Variants in CACNA1C observed in about 807,000 individuals in gnomAD.
The protein encoded by CACNA1C is calcium voltage-gated channel subunit alpha1 C.
A neutral mutation model predicts 229.0 loss-of-function variants in CACNA1C; 30 were observed. The ratio of observed to expected loss-of-function variants is 0.13; its 90% CI spans 0.10 to 0.18. The LOEUF is 0.18. CACNA1C is among the 10% of genes least tolerant of loss of function. The pLI is 1.00. For synonymous variants in CACNA1C, 1,114 were observed against 1,132.5 expected (o/e 0.98, Z 0.33); for missense variants, 1,658 against 2,845.0 (o/e 0.58, Z 9.49).
At chr12:2,567,915 A>C in intron 13 of CACNA1C, 121 bp downstream of exon 13, 1 of 611,836 alleles carries the variant, frequency 1.6e-6, no homozygotes, top group Non-Finnish European at 2.9e-6. Flanking sequence ...GTGTCTCTGA[A>C]GTTCACATGC....
chr12:2,484,640 A>C (rs541487326), intron 5 of CACNA1C, among the ~76,000 whole-genome samples: 2 of 152,180 alleles, frequency 1.3e-5, no homozygotes, highest in East Asian at 3.9e-4. Context: ...ACACCCCTTC[A>C]TGCCTGGGTA....
intron 34 of CACNA1C, among the ~76,000 whole-genome samples, chr12:2,657,713 C>T (rs2095493968): frequency 6.6e-6 from 1 of 152,076 alleles, no homozygotes; most frequent in Admixed American, 6.6e-5. Flanking sequence ...AGAAATCTAG[C>T]TCTAGCCTGT....
intron 3 of CACNA1C, among the ~76,000 whole-genome samples, chr12:2,401,996 G>A (rs2370515): frequency 0.19 from 28,713 of 152,240 alleles, 3,212 homozygotes; most frequent in African/African-American, 0.31. Context: ...TAAAACTTTC[G>A]TTAAACATGG....
At position 2,666,727 on chromosome 12, in the gene CACNA1C, G is replaced by A; in HGVS notation, c.4568G>A (p.Arg1523Gln). The A allele has an allele frequency of 2.5e-6, 4 of 1,603,752 alleles. No homozygotes were observed. Among genetic ancestry groups the A allele is most frequent in the Non-Finnish European group, 3.4e-6 (4 of 1,175,158 alleles). ...KHLDVVTLLR[R>Q]IQPPLGFGKL... Reference sequence around the variant, plus strand: ...CTGGATGTGGTGACCCTCCTCCGGCGGATTCAGCCGCCACTAGGTTTTGGG... The same window carrying A: ...CTGGATGTGGTGACCCTCCTCCGGCAGATTCAGCCGCCACTAGGTTTTGGG... The change falls in exon 37 of 47, where the codon CGG (arginine) becomes CAG (glutamine). Residue 1523 changes from arginine to glutamine, a missense_variant. By Grantham distance (43) the Arg-to-Gln change is conservative. Around this residue, in one of 20 missense-constraint regions of CACNA1C, gnomAD observed 151 missense variants for 344.4 expected, o/e 0.44. Transcript: ENST00000399655. The surrounding 1 kb of genome is among the most constrained non-coding windows in gnomAD (Gnocchi z 5.3).
At chr12:2,320,565 G>A (rs979005985) in intron 3 of CACNA1C, among the ~76,000 whole-genome samples, 10 of 152,226 alleles carry the variant, frequency 6.6e-5, no homozygotes, top group Admixed American at 5.2e-4. Flanking sequence ...AGTGGATACC[G>A]TAAGGGGCTG....
intron 34 of CACNA1C, among the ~76,000 whole-genome samples, 176 bp from the exon 35 acceptor site, chr12:2,664,649 C>T (rs1337580620): frequency 6.6e-6 from 1 of 152,160 alleles, no homozygotes; most frequent in African/African-American, 2.4e-5. Flanking sequence ...TTTAATAATG[C>T]TATGTGTTTC....
At chr12:2,522,802 G>A (rs1332602013) in intron 9 of CACNA1C, among the ~76,000 whole-genome samples, 2 of 152,202 alleles carry the variant, frequency 1.3e-5, no homozygotes, top group African/African-American at 2.4e-5. Context: ...AGAAGGCCTG[G>A]ATGGTCTCCT....
chr12:2,218,543 G>A (rs1159013463), intron 3 of CACNA1C, among the ~76,000 whole-genome samples: 1 of 152,190 alleles, frequency 6.6e-6, no homozygotes, highest in Non-Finnish European at 1.5e-5. Context: ...CAAGAGCGTG[G>A]AAAGAAGTCC....
intron 1 of CACNA1C, among the ~76,000 whole-genome samples, chr12:1,984,306 T>G (rs760647450): frequency 6.6e-6 from 1 of 152,100 alleles, no homozygotes; most frequent in Non-Finnish European, 1.5e-5. Flanking sequence ...TTTGCTCTCC[T>G]GTTACCCTCT....
chr12:2,433,085 A>T (rs538630225), intron 3 of CACNA1C, among the ~76,000 whole-genome samples: 20 of 152,328 alleles, frequency 1.3e-4, no homozygotes, highest in Non-Finnish European at 2.6e-4. Flanking sequence ...GTGTGTGCTG[A>T]TGACTCTGCA....
rs549896394 is a variant in CACNA1C at position 2,696,595 on chromosome 12, T to C, written c.*5396T>C. The C allele has an allele frequency of 7.6e-4, 106 of 139,872 alleles. No homozygotes were observed. The highest frequency in any genetic ancestry group is 3.0e-3 in the African/African-American group (102 of 34,148). The allele number at this position is 139,872 out of a possible 1,614,324, so 8.7% of individuals were successfully genotyped here. A position where few individuals can be genotyped will look rare whatever the true frequency, so the allele number is the denominator to read the frequency against. ...TTCACTCATGCACCTCAAACCAAGG[T>C]CATTATCCAAAAAAAAAAAAAAAAA... is the stretch of plus-strand genomic sequence containing the variant. On this transcript the variant is annotated 3_prime_UTR_variant, in exon 47 of 47. Coordinates refer to ENST00000399655, the MANE Select transcript of CACNA1C (RefSeq NM_000719.7).
chr12:2,579,732 C>A (rs892472431), intron 13 of CACNA1C, among the ~76,000 whole-genome samples: 1 of 152,088 alleles, frequency 6.6e-6, no homozygotes, highest in African/African-American at 2.4e-5. Context: ...AGGCATGCAC[C>A]ACCACACCCA....
At chr12:2,446,084 G>T (rs2099274604) in intron 3 of CACNA1C, among the ~76,000 whole-genome samples, 1 of 151,532 alleles carries the variant, frequency 6.6e-6, no homozygotes, top group Non-Finnish European at 1.5e-5. Context: ...TGGATGATCA[G>T]ATAGAAGAAT....
intron 26 of CACNA1C, chr12:2,607,994 T>A (rs215994): frequency 6.6e-6 from 1 of 152,670 alleles, no homozygotes; most frequent in African/African-American, 2.4e-5. Context: ...CTCAAATGAA[T>A]GGCATATGTA....
intron 42 of CACNA1C, among the ~76,000 whole-genome samples, chr12:2,680,025 G>GT (rs1188772488): frequency 6.6e-6 from 1 of 152,218 alleles, no homozygotes; most frequent in Non-Finnish European, 1.5e-5. Flanking sequence ...TGCGGCGCTG[G>GT]TTCTCCCACA....
intron 29 of CACNA1C, among the ~76,000 whole-genome samples, chr12:2,621,473 C>T (rs2083208629): frequency 1.3e-5 from 2 of 152,158 alleles, no homozygotes. Flanking sequence ...TTCAGGATCA[C>T]GGTGAGGGGT....
intron 3 of CACNA1C, among the ~76,000 whole-genome samples, chr12:2,139,350 T>TA (rs1238632033): frequency 1.3e-5 from 2 of 151,168 alleles, no homozygotes; most frequent in Non-Finnish European, 3.0e-5. Context: ...TCCTTCACCT[T>TA]AATCCAGTAT....
intron 3 of CACNA1C, among the ~76,000 whole-genome samples, chr12:2,200,779 G>A (rs991752474): frequency 6.6e-6 from 1 of 152,168 alleles, no homozygotes; most frequent in African/African-American, 2.4e-5. Flanking sequence ...TGGCATATGA[G>A]CTGGGACCCC....
chr12:2,274,582 C>T (rs1017521891), intron 3 of CACNA1C, among the ~76,000 whole-genome samples: 4 of 152,190 alleles, frequency 2.6e-5, no homozygotes, highest in African/African-American at 7.2e-5. Flanking sequence ...TCCCGACGTG[C>T]ACGGTTTCTA....
Sources: allele counts gnomAD v4.1 joint callset (sites outside exome capture counted in the v4.1 genomes callset), GRCh38; gene constraint gnomAD v4.1.1; regional missense constraint gnomAD v4.1.1; non-coding constraint Gnocchi (gnomAD v3.1); transcripts MANE v1.5; gene names NCBI Gene and HGNC (gene_info 2026-07-23, HGNC 2026-07-21).